Variants in ABCB11 observed in about 807,000 individuals in gnomAD.
ABCB11 encodes the protein bile salt export pump.
In ABCB11, 95 loss-of-function variants were observed where a neutral mutation model predicts 148.0. That is an observed-to-expected ratio of 0.64 (90% CI 0.54 to 0.76). The LOEUF (loss-of-function observed/expected upper bound fraction) is 0.76, where lower values mean the gene tolerates loss of function less well. Among genes scored for constraint, ABCB11 ranks in the 30% least tolerant of loss-of-function variants. The pLI, the probability that ABCB11 is intolerant of heterozygous loss-of-function variation, is 0.00. For synonymous variants in ABCB11, 591 were observed against 555.4 expected (o/e 1.06, Z -0.90); for missense variants, 1,523 against 1,617.8 (o/e 0.94, Z 1.01).
At chr2:168,965,198 G>GT (rs1181527974) in intron 17 of ABCB11, among the ~76,000 whole-genome samples, 3 of 151,782 alleles carry the variant, frequency 2.0e-5, no homozygotes, top group African/African-American at 2.4e-5. Context: ...CTGAGAGAAT[G>GT]TATAAACATA....
At chr2:168,978,559 C>T (rs549009574) in intron 11 of ABCB11, among the ~76,000 whole-genome samples, 10 of 152,146 alleles carry the variant, frequency 6.6e-5, no homozygotes, top group South Asian at 2.1e-4. Context: ...CACTGTTTGG[C>T]GAAAGAGTAT....
chr2:169,027,173 T>C (rs1168745424), intron 1 of ABCB11, among the ~76,000 whole-genome samples: 2 of 152,240 alleles, frequency 1.3e-5, no homozygotes, highest in Non-Finnish European at 2.9e-5. Context: ...CCAAAATCTC[T>C]TCAGGAACAG....
intron 1 of ABCB11, 95 bp from the exon 2 acceptor site, chr2:169,018,247 T>C (rs1695424464): frequency 2.9e-6 from 3 of 1,051,042 alleles, no homozygotes; most frequent in Admixed American, 4.7e-5. Flanking sequence ...GTTCAAGAAA[T>C]AATCTTTACT....
At position 168,922,256 on chromosome 2, in the gene ABCB11, A is replaced by G. The variant is rs1290979047; in HGVS notation, c.*1366T>C. Among the ~76,000 whole-genome samples the G allele has an allele frequency of 6.6e-6, 1 of 151,964 alleles. No individual in the cohort carries two copies. The highest frequency in any genetic ancestry group is 2.4e-5 in the African/African-American group (1 of 41,364). ...CTGTTCATACACAGCTTTACATTCA[A>G]TCCCCCTGTCTCTTGTATGTTAGCT... is the stretch of plus-strand genomic sequence containing the variant. On this transcript the variant is annotated 3_prime_UTR_variant, in exon 28 of 28. Transcript: ENST00000650372.
chr2:169,019,890 CA>C (rs1695486965), intron 1 of ABCB11, among the ~76,000 whole-genome samples: 1 of 152,106 alleles, frequency 6.6e-6, no homozygotes, highest in Admixed American at 6.6e-5. Context: ...AGCATCTTTA[CA>C]GACATTCAAA....
At chr2:168,969,131 A>T (rs59016348) in intron 16 of ABCB11, among the ~76,000 whole-genome samples, 2 of 132,718 alleles carry the variant, frequency 1.5e-5, no homozygotes, top group African/African-American at 6.2e-5. Context: ...AAAAAAAAAA[A>T]GGGGGGGATG....
chr2:168,918,834 C>G (rs1690995701), downstream of ABCB11, among the ~76,000 whole-genome samples: 1 of 152,106 alleles, frequency 6.6e-6, no homozygotes, highest in Non-Finnish European at 1.5e-5. Context: ...CCCTTCTGTT[C>G]TGGTGATGTA....
chr2:168,995,626 G>A (rs2106014422), intron 6 of ABCB11, 144 bp from the exon 7 acceptor site: 3 of 849,238 alleles, frequency 3.5e-6, no homozygotes, highest in East Asian at 2.8e-5. Context: ...GAACTAAGAT[G>A]TGAGCTCTGT....
chr2:169,002,651 A>G (rs561891516), intron 5 of ABCB11, among the ~76,000 whole-genome samples: 1 of 152,330 alleles, frequency 6.6e-6, no homozygotes, highest in Non-Finnish European at 1.5e-5. Flanking sequence ...CACCTCGAGT[A>G]TATCATGTTA....
rs1691126054 is a variant in ABCB11, at chr2:168,922,758, T to G, written c.*864A>C. Among the ~76,000 whole-genome samples the G allele has an allele frequency of 6.6e-6, 1 of 152,230 alleles. No individual in the cohort carries two copies. Among genetic ancestry groups the G allele is most frequent in the Admixed American group, 6.5e-5 (1 of 15,288 alleles). On this transcript the variant is annotated 3_prime_UTR_variant, in exon 28 of 28. Coordinates refer to ENST00000650372, the MANE Select transcript of ABCB11 (RefSeq NM_003742.4). ...ATGAGTGCTTTTCTGCCATATTTAC[T>G]TGCTTTTTTGTATAAAACCTTATGA...
intron 9 of ABCB11, among the ~76,000 whole-genome samples, chr2:168,988,185 T>C (rs764972840): frequency 3.9e-5 from 6 of 152,120 alleles, no homozygotes; most frequent in Non-Finnish European, 8.8e-5. Context: ...AATTAGATAA[T>C]TAATGTCATT....
intron 5 of ABCB11, 84 bp from the exon 6 acceptor site, chr2:168,996,806 A>G: frequency 5.0e-6 from 2 of 399,102 alleles, no homozygotes; most frequent in Non-Finnish European, 4.1e-6. Context: ...GAGGGATTTA[A>G]AAAATATATA....
rs539747541 is a variant in ABCB11, at chr2:169,003,390, G to A, written c.390-6668C>T. On this transcript the variant is annotated intron_variant, in intron 5 of 27. Coordinates refer to ENST00000650372, the MANE Select transcript of ABCB11 (RefSeq NM_003742.4). ...CACACACACAAAAACATATTAAAAT[G>A]TAATATATAGTAATATAAAATGTAA... Among the ~76,000 whole-genome samples, 40 of 147,814 alleles carry A rather than the reference G, an allele frequency of 2.7e-4. No homozygotes were observed. In the South Asian group the frequency reaches 6.8e-3, roughly 25 times the overall value.
chr2:168,944,527 G>T (rs1692212390), intron 21 of ABCB11, 78 bp downstream of exon 21: 3 of 1,433,772 alleles, frequency 2.1e-6, no homozygotes, highest in Non-Finnish European at 9.4e-7. Flanking sequence ...TAGAAAACAT[G>T]CAGGTGATTG....
intron 12 of ABCB11, among the ~76,000 whole-genome samples, chr2:168,974,050 A>G (rs987636957): frequency 6.6e-6 from 1 of 152,044 alleles, no homozygotes; most frequent in Admixed American, 6.6e-5. Flanking sequence ...ACATTACTTA[A>G]TTATTTAACT....
intron 5 of ABCB11, among the ~76,000 whole-genome samples, chr2:169,012,980 G>A (rs1475367914): frequency 6.6e-6 from 1 of 152,034 alleles, no homozygotes; most frequent in Non-Finnish European, 1.5e-5. Flanking sequence ...CCCTAGTGAC[G>A]TTAAGTATTG....
downstream of ABCB11, among the ~76,000 whole-genome samples, chr2:168,917,174 A>T (rs112448991): frequency 6.7e-6 from 1 of 149,570 alleles, no homozygotes; most frequent in African/African-American, 2.5e-5. Flanking sequence ...GTACATTTAG[A>T]GTAACTATAT....
At chr2:168,970,346 A>AAG in intron 14 of ABCB11, 131 bp from the exon 15 acceptor site, 2 of 1,538,938 alleles carry the variant, frequency 1.3e-6, no homozygotes, top group Non-Finnish European at 1.7e-6. Context: ...CTTCCACTGA[A>AAG]AGAAATATCC....
At chr2:168,978,132 CTTTTTTTTTT>C (rs35964117) in intron 11 of ABCB11, among the ~76,000 whole-genome samples, 51 of 53,132 alleles carry the variant, frequency 9.6e-4, no homozygotes, top group African/African-American at 3.8e-3. Context: ...AATAAATTGA[CTTTTTTTTTT>C]TTTTTTTTTT....
Sources: gnomAD v4.1 joint callset for allele counts (sites outside exome capture counted in the v4.1 genomes callset) on GRCh38, gnomAD v4.1.1 for gene constraint, MANE v1.5 for transcripts, NCBI Gene and HGNC (gene_info 2026-07-23, HGNC 2026-07-21) for gene names.